Variants in PTPRM observed in about 807,000 individuals in gnomAD.
The protein encoded by PTPRM is protein tyrosine phosphatase receptor type M.
In PTPRM, 47 loss-of-function variants were observed where a neutral mutation model predicts 186.7. That is an observed-to-expected ratio of 0.25 (90% CI 0.20 to 0.32). The LOEUF (loss-of-function observed/expected upper bound fraction) is 0.32, where lower values mean the gene tolerates loss of function less well. PTPRM is among the 10% of genes least tolerant of loss of function. The pLI, the probability that PTPRM is intolerant of heterozygous loss-of-function variation, is 1.00. For missense variants in PTPRM, 1,494 were observed against 1,865.0 expected (o/e 0.80, Z 3.66); for synonymous variants, 668 against 674.9 (o/e 0.99, Z 0.16).
chr18:8,082,986 C>T (rs914389002), intron 9 of PTPRM, among the ~76,000 whole-genome samples: 2 of 152,044 alleles, frequency 1.3e-5, no homozygotes, highest in Admixed American at 1.3e-4. Context: ...TCCAGTCCTT[C>T]ACTGAGTTCT....
Position 8,193,609 on chromosome 18 carries a change from G to T in PTPRM, c.2300+49830G>T, listed in dbSNP as rs79506356. Among the ~76,000 whole-genome samples, 285 of 152,336 alleles carry T rather than the reference G, an allele frequency of 1.9e-3. 3 individuals are homozygous for T. Among genetic ancestry groups the T allele is most frequent in the African/African-American group, 6.1e-3 (252 of 41,566 alleles). On this transcript the variant is annotated intron_variant, in intron 14 of 32. Transcript: ENST00000580170. ...CTCTCGCGCAGACTCAGGGAGCTTT[G>T]GTCACCTGGGCCCAACAAGTGTGGA...
chr18:7,906,713 G>A, intron 4 of PTPRM, 130 bp downstream of exon 4: 1 of 715,006 alleles, frequency 1.4e-6, no homozygotes. Flanking sequence ...GGCCTGTATT[G>A]TTGGTTTGCC....
At chr18:8,222,182 G>A (rs751627125) in intron 14 of PTPRM, among the ~76,000 whole-genome samples, 4 of 152,196 alleles carry the variant, frequency 2.6e-5, no homozygotes, top group Admixed American at 6.5e-5. Context: ...ACTCAAGTAT[G>A]CAAATATGGA....
At chr18:8,088,600 T>G in intron 10 of PTPRM, 149 bp from the exon 11 acceptor site, 1 of 635,964 alleles carries the variant, frequency 1.6e-6, no homozygotes, top group Non-Finnish European at 2.8e-6. Flanking sequence ...ATGTAGGGAA[T>G]ATATGTGAAG....
intron 16 of PTPRM, 94 bp downstream of exon 16, chr18:8,248,013 T>C: frequency 7.3e-7 from 1 of 1,368,408 alleles, no homozygotes. Flanking sequence ...TTGAGGGGCT[T>C]ACTGTGTTTG....
At chr18:8,114,689 A>G (rs2091889381) in intron 12 of PTPRM, 102 bp from the exon 13 acceptor site, 1 of 914,232 alleles carries the variant, frequency 1.1e-6, no homozygotes, top group Non-Finnish European at 1.7e-6. Context: ...CAGAACAGTG[A>G]GATCCTTCCT....
intron 1 of PTPRM, among the ~76,000 whole-genome samples, chr18:7,726,166 C>A (rs2040545646): frequency 6.6e-6 from 1 of 152,164 alleles, no homozygotes; most frequent in African/African-American, 2.4e-5. Context: ...CACTCCATTT[C>A]CCGCCTGTGA....
At chr18:7,923,875 G>C (rs1283836380) in intron 4 of PTPRM, among the ~76,000 whole-genome samples, 2 of 152,140 alleles carry the variant, frequency 1.3e-5, no homozygotes, top group African/African-American at 4.8e-5. Flanking sequence ...CCAACTCTGG[G>C]GATCTGAATG....
At chr18:8,353,398 G>T (rs62085047) in intron 23 of PTPRM, among the ~76,000 whole-genome samples, 8,545 of 152,294 alleles carry the variant, frequency 0.056, 317 homozygotes, top group East Asian at 0.077. Context: ...AAAAGGCTGA[G>T]AAAGGCTATG....
chr18:8,371,114 G>A (rs920714913), intron 24 of PTPRM, 108 bp downstream of exon 24: 3 of 591,282 alleles, frequency 5.1e-6, no homozygotes, highest in Middle Eastern at 4.6e-4. Flanking sequence ...CTCAATGCAG[G>A]TAGGCTCTAT....
intron 14 of PTPRM, among the ~76,000 whole-genome samples, chr18:8,194,933 T>G (rs888973879): frequency 1.3e-5 from 2 of 152,060 alleles, no homozygotes; most frequent in East Asian, 1.9e-4. Context: ...AAACGTTTCT[T>G]CTCAGGAATC....
intron 10 of PTPRM, among the ~76,000 whole-genome samples, 165 bp from the exon 11 acceptor site, chr18:8,088,584 G>A (rs767683067): frequency 1.3e-5 from 2 of 152,184 alleles, no homozygotes; most frequent in Non-Finnish European, 2.9e-5. Flanking sequence ...CTGTCCCTGT[G>A]ATTCTATGTA....
At chr18:8,025,639 G>T (rs1415268919) in intron 7 of PTPRM, among the ~76,000 whole-genome samples, 1 of 152,126 alleles carries the variant, frequency 6.6e-6, no homozygotes, top group East Asian at 1.9e-4. Flanking sequence ...CATAAGAAAT[G>T]AATTATTTCA....
intron 2 of PTPRM, among the ~76,000 whole-genome samples, chr18:7,781,721 T>C (rs1713025155): frequency 6.6e-6 from 1 of 152,222 alleles, no homozygotes; most frequent in African/African-American, 2.4e-5. Context: ...CATTTCCATC[T>C]GACACATTTC....
rs148482633 is a variant in PTPRM, at chr18:8,085,851, C to G, written c.1732C>G (p.Gln578Glu). The change falls in exon 10 of 33, where the codon CAG becomes GAG. Residue 578 changes from glutamine (Q) to glutamate (E), a missense_variant. Transcript: ENST00000580170. Reference protein sequence around the residue: ...AKGFGPPATNQFTTKISAPSM... With the variant: ...AKGFGPPATNEFTTKISAPSM... ...GGGTTTTGGGCCTCCAGCAACAAAC[C>G]AGTTCACCACCAAAATATCAGGTAC... 33 of 1,612,864 alleles carry G rather than the reference C, an allele frequency of 2.0e-5. No homozygotes were observed. The highest frequency in any genetic ancestry group is 2.7e-5 in the Non-Finnish European group (32 of 1,179,320).
At chr18:8,080,750 A>G (rs2090084345) in intron 9 of PTPRM, among the ~76,000 whole-genome samples, 1 of 152,180 alleles carries the variant, frequency 6.6e-6, no homozygotes, top group African/African-American at 2.4e-5. Context: ...TCTGTGATCC[A>G]ACCCAAATCT....
chr18:8,153,137 G>A (rs768818940), intron 14 of PTPRM, among the ~76,000 whole-genome samples: 2 of 152,118 alleles, frequency 1.3e-5, no homozygotes, highest in African/African-American at 2.4e-5. Flanking sequence ...GGAACAATAG[G>A]CCCTTCCATG....
At chr18:8,193,497 G>A (rs2093734980) in intron 14 of PTPRM, among the ~76,000 whole-genome samples, 1 of 152,194 alleles carries the variant, frequency 6.6e-6, no homozygotes, top group African/African-American at 2.4e-5. Flanking sequence ...GACAGCATAA[G>A]GGTTTTCTTC....
intron 1 of PTPRM, among the ~76,000 whole-genome samples, chr18:7,685,097 C>T (rs1439684939): frequency 2.0e-5 from 3 of 152,132 alleles, no homozygotes; most frequent in Non-Finnish European, 4.4e-5. Context: ...AACGTAATCA[C>T]AGGAGTGGCA....
Sources: gnomAD v4.1 joint callset for allele counts (sites outside exome capture counted in the v4.1 genomes callset) on GRCh38, gnomAD v4.1.1 for gene constraint, MANE v1.5 for transcripts, NCBI Gene and HGNC (gene_info 2026-07-23, HGNC 2026-07-21) for gene names.